Variants in ITSN1 observed in about 807,000 individuals in gnomAD.
ITSN1 encodes the protein intersectin 1.
A neutral mutation model predicts 239.8 loss-of-function variants in ITSN1; 58 were observed. That is an observed-to-expected ratio of 0.24 (90% CI 0.20 to 0.30). ITSN1 has a LOEUF of 0.30. ITSN1 is among the 10% of genes least tolerant of loss of function. The pLI is 1.00. For synonymous variants in ITSN1, 780 were observed against 770.8 expected, an observed-to-expected ratio of 1.01 and a Z score of -0.20; for missense variants, 1,558 against 2,103.3, an observed-to-expected ratio of 0.74 and a Z score of 5.07.
intron 1 of ITSN1, among the ~76,000 whole-genome samples, chr21:33,663,522 G>A (rs2089709427): frequency 6.6e-6 from 1 of 152,240 alleles, no homozygotes; most frequent in Non-Finnish European, 1.5e-5. Context: ...TGTTGGAAGA[G>A]ATCTGAATCA....
At chr21:33,794,753 A>T (rs924398561) in intron 17 of ITSN1, among the ~76,000 whole-genome samples, 12 of 152,012 alleles carry the variant, frequency 7.9e-5, no homozygotes, top group African/African-American at 2.9e-4. Context: ...TTTGCATGCT[A>T]ATGGCCAGTT....
intron 4 of ITSN1, among the ~76,000 whole-genome samples, chr21:33,725,120 A>AAT (rs1491495347): frequency 8.4e-6 from 1 of 118,762 alleles, no homozygotes; most frequent in Non-Finnish European, 1.7e-5. Context: ...AAAAAAAAAA[A>AAT]TTTTTTTTTT....
At chr21:33,664,863 CTCTT>C (rs2089822275) in intron 1 of ITSN1, among the ~76,000 whole-genome samples, 1 of 152,202 alleles carries the variant, frequency 6.6e-6, no homozygotes. Flanking sequence ...TTCTCAGTTG[CTCTT>C]TCCATCATCT....
chr21:33,871,599 G>T (rs748002250), intron 33 of ITSN1, among the ~76,000 whole-genome samples: 8 of 151,892 alleles, frequency 5.3e-5, no homozygotes, highest in Non-Finnish European at 1.0e-4. Context: ...AAATTAGCTG[G>T]GCATGGTGGT....
At chr21:33,716,382 A>G (rs897193662) in intron 1 of ITSN1, 1 of 152,250 alleles carries the variant, frequency 6.6e-6, no homozygotes, top group African/African-American at 2.4e-5. Flanking sequence ...ACAGGTCTGC[A>G]CACTGAAGTG....
Position 33,899,285 on chromosome 21 carries a change from C to T in ITSN1, c.*10985C>T, listed in dbSNP as rs992454805. 7 of 152,228 alleles carry T rather than the reference C, an allele frequency of 4.6e-5. No individual in the cohort carries two copies. Among genetic ancestry groups the T allele is most frequent in the South Asian group, 2.1e-4 (1 of 4,834 alleles). 9.4% of individuals were successfully genotyped at this position (152,228 alleles called of 1,614,324 possible). ...TGGAAAAGAATGTAATCCATCAGAA[C>T]GTGAGCTCCTTGTGCTTCCAGTGAC... On this transcript the variant is annotated 3_prime_UTR_variant, in exon 40 of 40. Coordinates refer to ENST00000381318, the MANE Select transcript of ITSN1 (RefSeq NM_003024.3).
At chr21:33,756,287 C>CAAAAAAA (rs923721086) in intron 8 of ITSN1, among the ~76,000 whole-genome samples, 1 of 56,814 alleles carries the variant, frequency 1.8e-5, no homozygotes, top group African/African-American at 6.1e-5. Context: ...GACTCCGTCT[C>CAAAAAAA]AAAAAAAAAA....
At chr21:33,705,205 T>TACC (rs1465039343) in intron 1 of ITSN1, among the ~76,000 whole-genome samples, 3 of 151,912 alleles carry the variant, frequency 2.0e-5, no homozygotes, top group African/African-American at 4.8e-5. Flanking sequence ...TATAGCTTTG[T>TACC]ACCGTACCTG....
At chr21:33,810,933 G>A (rs776328089) in intron 20 of ITSN1, 42 bp from the exon 21 acceptor site, 11 of 1,613,498 alleles carry the variant, frequency 6.8e-6, no homozygotes, top group Non-Finnish European at 7.6e-6. Flanking sequence ...GTCTATTCAG[G>A]GGTTAATTTA....
intron 29 of ITSN1, 84 bp from the exon 30 acceptor site, chr21:33,856,652 C>T: frequency 1.9e-6 from 3 of 1,592,590 alleles, no homozygotes; most frequent in Non-Finnish European, 2.6e-6. Flanking sequence ...CCTCAGGACC[C>T]AGCAGCCACG....
At chr21:33,657,580 G>A (rs570621802) in intron 1 of ITSN1, among the ~76,000 whole-genome samples, 10 of 152,174 alleles carry the variant, frequency 6.6e-5, no homozygotes, top group East Asian at 5.8e-4. Flanking sequence ...ACCCTGCATC[G>A]TGTAATGATG....
intron 31 of ITSN1, among the ~76,000 whole-genome samples, chr21:33,861,862 T>C (rs1980600171): frequency 6.6e-6 from 1 of 151,052 alleles, no homozygotes. Context: ...AGGAGAATGG[T>C]GTGAACCTGG....
chr21:33,678,680 A>G (rs946174421), intron 1 of ITSN1, among the ~76,000 whole-genome samples: 1 of 152,182 alleles, frequency 6.6e-6, no homozygotes. Flanking sequence ...TTCTAAGGAT[A>G]TGTGAGGAAG....
At chr21:33,851,868 C>T (rs1222205591) in intron 29 of ITSN1, among the ~76,000 whole-genome samples, 4 of 132,822 alleles carry the variant, frequency 3.0e-5, no homozygotes, top group Non-Finnish European at 4.6e-5. Flanking sequence ...ACTGCAGCCT[C>T]TATTTCCTGG....
intron 1 of ITSN1, among the ~76,000 whole-genome samples, chr21:33,693,254 GCTCTT>G (rs1418544591): frequency 1.3e-5 from 2 of 151,920 alleles, no homozygotes; most frequent in African/African-American, 4.8e-5. Flanking sequence ...ATACATAGCC[GCTCTT>G]CTCTTGGGAC....
At chr21:33,855,189 CAG>C (rs1039593748) in intron 29 of ITSN1, among the ~76,000 whole-genome samples, 2 of 152,202 alleles carry the variant, frequency 1.3e-5, no homozygotes, top group Non-Finnish European at 2.9e-5. Flanking sequence ...CCTGCTAGGC[CAG>C]AGCAGGCTTC....
chr21:33,792,190 C>T (rs1004428270), intron 16 of ITSN1, among the ~76,000 whole-genome samples: 1 of 151,972 alleles, frequency 6.6e-6, no homozygotes, highest in Non-Finnish European at 1.5e-5. Flanking sequence ...TCTTGATTCC[C>T]AGTTCTGTAC....
intron 1 of ITSN1, among the ~76,000 whole-genome samples, chr21:33,687,572 C>T (rs944180446): frequency 6.6e-6 from 1 of 152,138 alleles, no homozygotes. Context: ...CAGCATTCCT[C>T]TTTCTCTCAG....
In ITSN1 at chr21:33,683,113, C is replaced by T. The variant is rs182243797; in HGVS notation, c.-32-35684C>T. On this transcript the variant is annotated intron_variant, in intron 1 of 39. Coordinates refer to ENST00000381318, the MANE Select transcript of ITSN1 (RefSeq NM_003024.3). ...AGGGACCAGAATGATGAAAGGTAGA[C>T]AGTTGGCCTGAGGAAATAAGGTGCC... Among the ~76,000 whole-genome samples the T allele has an allele frequency of 2.0e-5, 3 of 152,162 alleles. No individual in the cohort carries two copies. In the East Asian group the frequency reaches 5.8e-4, roughly 29 times the overall value.
Sources: gnomAD v4.1 joint callset for allele counts (sites outside exome capture counted in the v4.1 genomes callset) on GRCh38, gnomAD v4.1.1 for gene constraint, MANE v1.5 for transcripts, NCBI Gene and HGNC (gene_info 2026-07-23, HGNC 2026-07-21) for gene names.